NRK: variants seen among roughly 807,000 people sequenced by gnomAD.
NRK encodes the protein nik-related protein kinase.
Under a neutral mutation model 125.2 loss-of-function variants are expected in NRK, and 67 were observed. The observed-to-expected ratio is 0.54, with a 90% CI of 0.44 to 0.66. NRK has a LOEUF of 0.66. NRK is among the 30% of genes least tolerant of loss of function. The pLI is 0.00. For missense variants in NRK, 1,224 were observed against 1,192.9 expected, an observed-to-expected ratio of 1.03 and a Z score of -0.38; for synonymous variants, 458 against 429.0, an observed-to-expected ratio of 1.07 and a Z score of -0.84.
chrX:105,883,968 A>G (rs914444622), intron 4 of NRK, among the ~76,000 whole-genome samples: 2 of 112,758 alleles, frequency 1.8e-5, no homozygotes, highest in East Asian at 5.6e-4. Context: ...AAGTTTAAGG[A>G]TCTTACATGA....
chrX:105,952,921 C>A (rs1482989963), intron 27 of NRK, 113 bp from the exon 28 acceptor site: 1 of 633,341 alleles, frequency 1.6e-6, no homozygotes, highest in East Asian at 3.9e-5. Flanking sequence ...GATGTGCTAA[C>A]CTGAACTGTA....
chrX:105,915,186 T>C (rs1237225407), intron 14 of NRK, among the ~76,000 whole-genome samples: 1 of 110,725 alleles, frequency 9.0e-6, no homozygotes, highest in Non-Finnish European at 1.9e-5. Context: ...ACTTTCTTAC[T>C]TTCTTAAAGA....
chrX:105,907,209 C>T (rs1442286644), intron 11 of NRK: 1 of 111,060 alleles, frequency 9.0e-6, no homozygotes, highest in African/African-American at 3.3e-5. Context: ...TGCCACTGCA[C>T]TCCAGCCCGG....
intron 2 of NRK, among the ~76,000 whole-genome samples, chrX:105,875,195 A>G (rs1199304544): frequency 9.0e-6 from 1 of 111,354 alleles, no homozygotes; most frequent in Non-Finnish European, 1.9e-5. Flanking sequence ...TCTCCAATAA[A>G]CTGTGAATAG....
intron 21 of NRK, among the ~76,000 whole-genome samples, chrX:105,935,686 A>G (rs1249495144): frequency 1.8e-5 from 2 of 108,728 alleles, no homozygotes; most frequent in Non-Finnish European, 3.8e-5. Context: ...GCTACTTGGG[A>G]GACTGAGGCA....
chrX:105,867,323 A>T (rs552765047), intron 2 of NRK, among the ~76,000 whole-genome samples: 11 of 111,389 alleles, frequency 9.9e-5, no homozygotes, highest in African/African-American at 2.6e-4. Context: ...ATAATCTGTC[A>T]TCTAAGCCAG....
chrX:105,900,024 G>A (rs749537145), intron 8 of NRK, among the ~76,000 whole-genome samples: 24 of 110,346 alleles, frequency 2.2e-4, no homozygotes, highest in Middle Eastern at 4.6e-3. Flanking sequence ...TTAGCCAGCC[G>A]TTGTATCTCT....
chrX:105,857,230 C>G (rs1296725855), intron 2 of NRK, among the ~76,000 whole-genome samples: 1 of 111,394 alleles, frequency 9.0e-6, no homozygotes, highest in Non-Finnish European at 1.9e-5. Context: ...GAATCACACT[C>G]CTCTTAAAAT....
chrX:105,889,201 A>G (rs760166555), intron 5 of NRK, among the ~76,000 whole-genome samples: 102 of 112,788 alleles, frequency 9.0e-4, no homozygotes, highest in Non-Finnish European at 1.3e-3. Flanking sequence ...TACAAGCCCC[A>G]TGCAAGTCCA....
intron 2 of NRK, among the ~76,000 whole-genome samples, chrX:105,864,717 A>G (rs1718645252): frequency 8.9e-6 from 1 of 111,916 alleles, no homozygotes; most frequent in Admixed American, 9.5e-5. Flanking sequence ...AGACTTGGTC[A>G]TGTCCCAGTT....
At chrX:105,846,327 T>C (rs781565159) in intron 2 of NRK, among the ~76,000 whole-genome samples, 1 of 111,294 alleles carries the variant, frequency 9.0e-6, no homozygotes, top group South Asian at 3.8e-4. Context: ...TACTGAGAAA[T>C]TTACCTTAAG....
At chrX:105,942,355 G>A (rs1395658268) in intron 23 of NRK, among the ~76,000 whole-genome samples, 1 of 111,801 alleles carries the variant, frequency 8.9e-6, no homozygotes, top group Non-Finnish European at 1.9e-5. Flanking sequence ...TATCTGTAAA[G>A]TATGAGAGTT....
At chrX:105,844,036 T>TGG (rs2039369550) in intron 2 of NRK, among the ~76,000 whole-genome samples, 1 of 104,899 alleles carries the variant, frequency 9.5e-6, no homozygotes, top group East Asian at 3.0e-4. Flanking sequence ...TGTGTGTGTG[T>TGG]GTGTGTCTGT....
intron 2 of NRK, among the ~76,000 whole-genome samples, chrX:105,873,109 G>A (rs1315891534): frequency 9.0e-6 from 1 of 111,609 alleles, no homozygotes; most frequent in African/African-American, 3.3e-5. Flanking sequence ...GAATGCCCTG[G>A]GGGATTATGT....
intron 2 of NRK, among the ~76,000 whole-genome samples, chrX:105,875,165 C>T (rs931393025): frequency 9.0e-6 from 1 of 111,577 alleles, no homozygotes; most frequent in African/African-American, 3.3e-5. Context: ...CTGGTGTATA[C>T]ATCTTACAAA....
At chrX:105,833,418 C>T (rs1415152042) in intron 2 of NRK, among the ~76,000 whole-genome samples, 2 of 111,315 alleles carry the variant, frequency 1.8e-5, no homozygotes, top group Non-Finnish European at 3.8e-5. Context: ...TTACAGTCTC[C>T]ATGGCTGTAT....
intron 13 of NRK, among the ~76,000 whole-genome samples, chrX:105,910,869 A>C (rs2040291317): frequency 9.0e-6 from 1 of 111,544 alleles, no homozygotes; most frequent in African/African-American, 3.3e-5. Context: ...CAATAGTTTC[A>C]CTGGTATGCA....
chrX:105,900,151 T>TACAC (rs202022404), intron 8 of NRK, among the ~76,000 whole-genome samples: 2,986 of 89,330 alleles, frequency 0.033, 55 homozygotes, highest in South Asian at 0.055. Context: ...ACTGCTGAAG[T>TACAC]ACACACACAC....
chrX:105,931,697 C>T (rs2040597009), intron 19 of NRK, among the ~76,000 whole-genome samples: 1 of 111,185 alleles, frequency 9.0e-6, no homozygotes, highest in Non-Finnish European at 1.9e-5. Flanking sequence ...CAACACTCTC[C>T]CTCAGACACA....
Sources: gnomAD v4.1 joint callset for allele counts (sites outside exome capture counted in the v4.1 genomes callset) on GRCh38, gnomAD v4.1.1 for gene constraint, MANE v1.5 for transcripts, NCBI Gene and HGNC (gene_info 2026-07-23, HGNC 2026-07-21) for gene names.